Variants in GLIS3 observed in about 807,000 individuals in gnomAD.
GLIS3 encodes GLIS family zinc finger 3.
GLIS3 carries 53 observed loss-of-function variants against 78.6 expected under a neutral mutation model. The ratio of observed to expected loss-of-function variants is 0.67; its 90% confidence interval spans 0.54 to 0.85. GLIS3 has a LOEUF of 0.85. Among genes scored for constraint, GLIS3 ranks in the 40% least tolerant of loss-of-function variants. The pLI is 0.00. For missense variants in GLIS3, 1,703 were observed against 1,231.1 expected, an observed-to-expected ratio of 1.38 and a Z score of -5.74; for synonymous variants, 684 against 509.9, an observed-to-expected ratio of 1.34 and a Z score of -4.60.
At chr9:3,830,765 A>G (rs1209345879) in intron 9 of GLIS3, among the ~76,000 whole-genome samples, 1 of 152,186 alleles carries the variant, frequency 6.6e-6, no homozygotes, top group Non-Finnish European at 1.5e-5. Context: ...TTCATCCCTT[A>G]TTAAAGAAAT....
intron 2 of GLIS3, among the ~76,000 whole-genome samples, chr9:4,281,197 A>G (rs1419843748): frequency 6.6e-6 from 1 of 152,218 alleles, no homozygotes; most frequent in Non-Finnish European, 1.5e-5. Flanking sequence ...GTGTTTCTCA[A>G]ATTTTGGAGT....
At chr9:4,376,111 T>C in the GLIS3 span, among the ~76,000 whole-genome samples, 2 of 152,048 alleles carry the variant, frequency 1.3e-5, no homozygotes, top group Non-Finnish European at 2.9e-5. Flanking sequence ...GGGTTAGCAA[T>C]CTGGATTGAA....
chr9:4,272,621 T>C (rs951665481), intron 2 of GLIS3, among the ~76,000 whole-genome samples: 1 of 152,216 alleles, frequency 6.6e-6, no homozygotes, highest in Non-Finnish European at 1.5e-5. Context: ...AAATGCTACA[T>C]AATTGCTAGC....
chr9:4,045,760 C>A (rs1475803767), intron 4 of GLIS3, among the ~76,000 whole-genome samples: 3 of 152,180 alleles, frequency 2.0e-5, no homozygotes, highest in Non-Finnish European at 4.4e-5. Context: ...GTCTCGCAAT[C>A]ACAGCTCTAG....
rs547407280 is a variant in GLIS3 at position 4,003,394 on chromosome 9, G to C, written c.1711-66205C>G. On this transcript the variant is annotated intron_variant, in intron 4 of 10. Coordinates refer to ENST00000381971, the MANE Select transcript of GLIS3 (RefSeq NM_001042413.2). ...ATAGAGGTAGGAGACAGAATAGGGA[G>C]AGAAGGAAGGAAGGAATTTAAACCT... 2.8e-4 allele frequency among the ~76,000 whole-genome samples: 43 copies of C among 152,282 alleles called. 1 individual carries two copies. The highest frequency in any genetic ancestry group is 8.9e-4 in the African/African-American group (37 of 41,558).
At chr9:4,070,548 G>C (rs569265654) in intron 4 of GLIS3, among the ~76,000 whole-genome samples, 2 of 152,058 alleles carry the variant, frequency 1.3e-5, no homozygotes, top group African/African-American at 4.8e-5. Flanking sequence ...GTGTGTGTGA[G>C]AGAGAGAGAT....
At chr9:3,953,783 CTCTCTCTCTCTCTATATATA>C (rs920769466) in intron 4 of GLIS3, among the ~76,000 whole-genome samples, 3 of 40,690 alleles carry the variant, frequency 7.4e-5, no homozygotes, top group Non-Finnish European at 1.6e-4. Context: ...CTCTCTCTCT[CTCTCTCTCTCTCTATATATA>C]TATATATATA....
At chr9:4,234,090 C>T (rs1822505450) in intron 2 of GLIS3, among the ~76,000 whole-genome samples, 1 of 152,082 alleles carries the variant, frequency 6.6e-6, no homozygotes, top group African/African-American at 2.4e-5. Context: ...GTCAGTATGA[C>T]TGTCCATCCA....
chr9:3,987,009 A>G (rs1454249583), intron 4 of GLIS3, among the ~76,000 whole-genome samples: 1 of 152,236 alleles, frequency 6.6e-6, no homozygotes, highest in Non-Finnish European at 1.5e-5. Flanking sequence ...GATGAATTAG[A>G]TCTTGAAATG....
chr9:4,469,881 C>T, the GLIS3 span, among the ~76,000 whole-genome samples: 3 of 151,740 alleles, frequency 2.0e-5, no homozygotes, highest in Non-Finnish European at 2.9e-5. Context: ...AATTGATAGA[C>T]CACTAGCAAG....
chr9:4,016,584 C>G (rs956748068), intron 4 of GLIS3, among the ~76,000 whole-genome samples: 1 of 152,178 alleles, frequency 6.6e-6, no homozygotes, highest in Non-Finnish European at 1.5e-5. Flanking sequence ...TGCAACTCCT[C>G]TGCCTTGAGA....
At chr9:4,074,777 G>T (rs1452677854) in intron 4 of GLIS3, among the ~76,000 whole-genome samples, 2 of 152,156 alleles carry the variant, frequency 1.3e-5, no homozygotes, top group African/African-American at 4.8e-5. Context: ...AGCCATCTCT[G>T]TCACTTCCAA....
chr9:4,077,554 G>T (rs939551725), intron 4 of GLIS3, among the ~76,000 whole-genome samples: 2 of 152,242 alleles, frequency 1.3e-5, no homozygotes, highest in East Asian at 3.8e-4. Context: ...CAACAGAACA[G>T]GAAACCCTGG....
the GLIS3 span, among the ~76,000 whole-genome samples, chr9:4,422,195 C>T: frequency 6.6e-6 from 1 of 152,190 alleles, no homozygotes; most frequent in Non-Finnish European, 1.5e-5. Flanking sequence ...TATTTCAACA[C>T]TTTGATGATT....
intron 4 of GLIS3, among the ~76,000 whole-genome samples, chr9:3,974,854 T>G (rs1818647620): frequency 6.6e-6 from 1 of 152,046 alleles, no homozygotes; most frequent in African/African-American, 2.4e-5. Context: ...AAATGTCCTT[T>G]AATGTCATCA....
Position 3,937,197 on chromosome 9 carries a change from A to G in GLIS3, c.1711-8T>C. 6.2e-7 allele frequency: 1 copy of G among 1,614,144 alleles called. No individual in the cohort carries two copies. Among genetic ancestry groups the G allele is most frequent in the East Asian group, 2.2e-5 (1 of 44,880 alleles). On this transcript the variant is annotated splice_region_variant and splice_polypyrimidine_tract_variant and intron_variant, in intron 4 of 10. Transcript: ENST00000381971. ...CTTCTCGCAACCTTCAAACTGCAAA[A>G]AGAAAACAATTTTTGGTGGTTGAGA... is the stretch of plus-strand genomic sequence containing the variant.
At chr9:4,095,494 G>A (rs1398799885) in intron 4 of GLIS3, among the ~76,000 whole-genome samples, 1 of 152,116 alleles carries the variant, frequency 6.6e-6, no homozygotes, top group Non-Finnish European at 1.5e-5. Context: ...TGCAGAAGTG[G>A]CTGCTATGTT....
intron 4 of GLIS3, among the ~76,000 whole-genome samples, chr9:4,009,968 A>T (rs912977593): frequency 2.0e-5 from 3 of 152,176 alleles, no homozygotes; most frequent in African/African-American, 2.4e-5. Flanking sequence ...TGCTCAGCAG[A>T]GTGTGGAGCA....
At chr9:3,862,399 G>A (rs866330226) in intron 8 of GLIS3, among the ~76,000 whole-genome samples, 1 of 152,162 alleles carries the variant, frequency 6.6e-6, no homozygotes, top group East Asian at 1.9e-4. Context: ...GCTCAGCCCT[G>A]AACTGGAGTT....
Sources: gnomAD v4.1 joint callset for allele counts (sites outside exome capture counted in the v4.1 genomes callset) on GRCh38, gnomAD v4.1.1 for gene constraint, MANE v1.5 for transcripts, NCBI Gene and HGNC (gene_info 2026-07-23, HGNC 2026-07-21) for gene names.